KALRN: variants seen among roughly 807,000 people sequenced by gnomAD.
KALRN encodes kalirin RhoGEF kinase.
In KALRN, 70 loss-of-function variants were observed where a neutral mutation model predicts 353.7. The observed-to-expected ratio is 0.20, with a 90% CI of 0.16 to 0.24. KALRN has a LOEUF of 0.24. KALRN is among the 10% of genes least tolerant of loss of function. The pLI, the probability that KALRN is intolerant of heterozygous loss-of-function variation, is 1.00. For synonymous variants in KALRN, 1,391 were observed against 1,434.8 expected (o/e 0.97, Z 0.69); for missense variants, 2,791 against 3,756.7 (o/e 0.74, Z 6.72).
chr3:124,363,674 A>T (rs994714036), intron 10 of KALRN, among the ~76,000 whole-genome samples: 2 of 152,212 alleles, frequency 1.3e-5, no homozygotes, highest in Non-Finnish European at 2.9e-5. Context: ...TTCCCAAGAG[A>T]GGGAATGTGC....
intron 12 of KALRN, among the ~76,000 whole-genome samples, chr3:124,397,519 A>G (rs1422720895): frequency 1.3e-5 from 2 of 152,194 alleles, no homozygotes; most frequent in Non-Finnish European, 2.9e-5. Context: ...GACTCCTTAA[A>G]TTGTATGAGA....
intron 1 of KALRN, among the ~76,000 whole-genome samples, chr3:124,106,408 G>A (rs2062316784): frequency 6.6e-6 from 1 of 151,962 alleles, no homozygotes; most frequent in African/African-American, 2.4e-5. Flanking sequence ...GTTGTGGGAG[G>A]GTGTTATTCT....
intron 1 of KALRN, among the ~76,000 whole-genome samples, chr3:124,046,703 A>G (rs1312127612): frequency 6.6e-6 from 1 of 152,086 alleles, no homozygotes; most frequent in Non-Finnish European, 1.5e-5. Context: ...ACTTGTTTGG[A>G]TACTATTCTC....
At chr3:124,642,806 G>GTTGTTGTTTTTT (rs796628603) in intron 37 of KALRN, among the ~76,000 whole-genome samples, 1 of 96,840 alleles carries the variant, frequency 1.0e-5, no homozygotes, top group African/African-American at 4.5e-5. Flanking sequence ...CCCAAGCCTC[G>GTTGTTGTTTTTT]TTTTTTTTTT....
chr3:124,285,324 G>C (rs2075729283), intron 5 of KALRN, among the ~76,000 whole-genome samples: 1 of 151,972 alleles, frequency 6.6e-6, no homozygotes. Context: ...GGAACTCTAA[G>C]TATGCCTGTG....
rs189339939 is a variant in KALRN, at chr3:124,172,524, G to A, written c.74-55466G>A. 7.0e-4 allele frequency among the ~76,000 whole-genome samples: 107 copies of A among 152,284 alleles called. No individual in the cohort carries two copies. In the South Asian group the frequency reaches 0.015, roughly 21 times the overall value. On this transcript the variant is annotated intron_variant, in intron 1 of 59. Coordinates refer to ENST00000682506, the MANE Select transcript of KALRN (RefSeq NM_001388419.1). ...ATTTGGATACACAAGGCCAGGCCCT[G>A]AGCCTTCTAGCTCTGAAGTCTTGGG...
chr3:124,108,279 A>T (rs1365391021), intron 1 of KALRN, among the ~76,000 whole-genome samples: 1 of 152,156 alleles, frequency 6.6e-6, no homozygotes, highest in African/African-American at 2.4e-5. Context: ...TCACTGGTAC[A>T]TTTCTCTTCT....
In KALRN at chr3:124,678,307, T is replaced by C. The variant is rs771636192; in HGVS notation, c.7311T>C (p.Ser2437=). The part of the protein sequence containing the change: ...KPKDILGNKV[S]VKETNSSEES... ...AGGATATTCTGGGCAACAAAGTCTC[T>C]GTTAAAGTGAGTAAGGTATTCCGGA... Residue 2437 remains serine (S), a synonymous_variant, in exon 50 of 60, where the codon TCT becomes TCC. Transcript: ENST00000682506. 1.2e-6 allele frequency: 2 copies of C among 1,613,728 alleles called. No homozygotes were observed. The highest frequency in any genetic ancestry group is 1.7e-6 in the Non-Finnish European group (2 of 1,179,788).
At chr3:124,511,648 C>G (rs1457888075) in intron 33 of KALRN, among the ~76,000 whole-genome samples, 1 of 152,192 alleles carries the variant, frequency 6.6e-6, no homozygotes, top group East Asian at 1.9e-4. Context: ...CTGCTCCTCC[C>G]CTGGGTCCCA....
At chr3:124,243,160 G>T (rs573909484) in intron 3 of KALRN, among the ~76,000 whole-genome samples, 1 of 152,144 alleles carries the variant, frequency 6.6e-6, no homozygotes, top group Non-Finnish European at 1.5e-5. Context: ...TACAATTCTG[G>T]AATTAGTGCT....
intron 51 of KALRN, 47 bp from the exon 52 acceptor site, chr3:124,693,757 T>C: frequency 7.7e-7 from 1 of 1,301,970 alleles, no homozygotes; most frequent in Non-Finnish European, 1.1e-6. Flanking sequence ...TGTTCTCTTT[T>C]AGTAGTTTAG....
intron 1 of KALRN, among the ~76,000 whole-genome samples, chr3:124,142,009 T>C (rs2066681072): frequency 6.6e-6 from 1 of 152,168 alleles, no homozygotes; most frequent in Non-Finnish European, 1.5e-5. Context: ...GGGGAAACTA[T>C]TCTTTATCAT....
intron 32 of KALRN, among the ~76,000 whole-genome samples, chr3:124,495,957 G>GTATATATATATATATATATATA (rs201949824): frequency 6.8e-5 from 3 of 44,228 alleles, no homozygotes; most frequent in South Asian, 2.0e-3. Context: ...GTGTGTATGT[G>GTATATATATATATATATATATA]TATGTATGTA....
chr3:124,373,281 C>T (rs1276761024), intron 10 of KALRN, among the ~76,000 whole-genome samples: 1 of 151,950 alleles, frequency 6.6e-6, no homozygotes, highest in Non-Finnish European at 1.5e-5. Context: ...ATTTTTGTCT[C>T]CCCCCGACTT....
chr3:124,404,898 C>T (rs1157606720), intron 13 of KALRN, among the ~76,000 whole-genome samples: 1 of 152,026 alleles, frequency 6.6e-6, no homozygotes, highest in East Asian at 1.9e-4. Context: ...CCATAAAAAC[C>T]ATTCGAGACT....
At chr3:124,513,546 C>T (rs796550197) in intron 33 of KALRN, among the ~76,000 whole-genome samples, 10 of 152,290 alleles carry the variant, frequency 6.6e-5, no homozygotes, top group African/African-American at 2.4e-4. Context: ...TCTCTTCCCT[C>T]CTCTCCCACA....
intron 1 of KALRN, chr3:124,099,370 T>C (rs2061678482): frequency 6.6e-6 from 1 of 152,258 alleles, no homozygotes. Context: ...GTTCCATCTA[T>C]GTTGCTGCAA....
chr3:124,134,105 G>A (rs1309469323), intron 1 of KALRN, among the ~76,000 whole-genome samples: 1 of 152,082 alleles, frequency 6.6e-6, no homozygotes, highest in African/African-American at 2.4e-5. Flanking sequence ...AAATCTGGAG[G>A]TATCACACTA....
At chr3:124,309,252 TA>T (rs71145445) in intron 6 of KALRN, among the ~76,000 whole-genome samples, 124 of 146,708 alleles carry the variant, frequency 8.5e-4, no homozygotes, top group Middle Eastern at 3.5e-3. Context: ...AAGCTTATAT[TA>T]AAAAAAAAAA....
Sources: gnomAD v4.1 joint callset for allele counts (sites outside exome capture counted in the v4.1 genomes callset) on GRCh38, gnomAD v4.1.1 for gene constraint, MANE v1.5 for transcripts, NCBI Gene and HGNC (gene_info 2026-07-23, HGNC 2026-07-21) for gene names.